Variants in TMC3 observed in about 807,000 individuals in gnomAD.
TMC3 encodes the protein transmembrane channel like 3.
In TMC3, 98 loss-of-function variants were observed where a neutral mutation model predicts 110.6. That is an observed-to-expected ratio of 0.89 (90% confidence interval 0.75 to 1.05). TMC3 has a LOEUF of 1.05. TMC3 is among the 50% of genes least tolerant of loss of function. The pLI, the probability that TMC3 is intolerant of heterozygous loss-of-function variation, is 0.00. For missense variants in TMC3, 1,319 were observed against 1,373.2 expected, an observed-to-expected ratio of 0.96 and a Z score of 0.62; for synonymous variants, 489 against 513.1, an observed-to-expected ratio of 0.95 and a Z score of 0.63.
Position 81,332,368 on chromosome 15 carries a change from C to T in TMC3, c.*51G>A. ...AGAAAGGGAGATGCCATGTGCTGGCCCAGCACTCCAACAGGGGCCTGACCT... is the reference window on the plus strand; with the variant it reads ...AGAAAGGGAGATGCCATGTGCTGGCTCAGCACTCCAACAGGGGCCTGACCT... On this transcript the variant is annotated 3_prime_UTR_variant, in exon 22 of 22. Transcript: ENST00000359440. 6.5e-7 allele frequency: 1 copy of T among 1,533,802 alleles called. No individual in the cohort carries two copies. The highest frequency in any genetic ancestry group is 8.8e-7 in the Non-Finnish European group (1 of 1,138,562).
intron 2 of TMC3, 141 bp downstream of exon 2, chr15:81,372,450 T>C: frequency 1.0e-6 from 1 of 983,662 alleles, no homozygotes; most frequent in South Asian, 1.5e-5. Flanking sequence ...TCAGATATCT[T>C]TGTGACTTTG....
Position 81,334,978 on chromosome 15 carries a change from G to A in TMC3, c.2204-3C>T. On this transcript the variant is annotated splice_polypyrimidine_tract_variant and splice_region_variant and intron_variant, in intron 20 of 21. Coordinates refer to ENST00000359440, the MANE Select transcript of TMC3 (RefSeq NM_001080532.3). ...TTCTTCCTGGGTCTGGATTCGGGCT[G>A]CAGGGAGAGGGAGGTGTTGTGAGAA... 1 of 1,613,128 alleles carries A rather than the reference G, an allele frequency of 6.2e-7. No homozygotes were observed. The highest frequency in any genetic ancestry group is 8.5e-7 in the Non-Finnish European group (1 of 1,179,134).
At chr15:81,370,369 A>G (rs1361497553) in intron 2 of TMC3, among the ~76,000 whole-genome samples, 1 of 152,178 alleles carries the variant, frequency 6.6e-6, no homozygotes, top group African/African-American at 2.4e-5. Context: ...AAGGTGATGG[A>G]GAGGAGATAT....
intron 3 of TMC3, among the ~76,000 whole-genome samples, chr15:81,362,559 C>A (rs1261369407): frequency 6.6e-6 from 1 of 152,078 alleles, no homozygotes; most frequent in African/African-American, 2.4e-5. Flanking sequence ...ATACAGACAC[C>A]ACCCGAGCCG....
At chr15:81,350,115 G>A (rs2141706548) in intron 10 of TMC3, among the ~76,000 whole-genome samples, 1 of 151,990 alleles carries the variant, frequency 6.6e-6, no homozygotes, top group African/African-American at 2.4e-5. Flanking sequence ...CATGCCTATG[G>A]TCCCAGCTTG....
chr15:81,342,028 T>C (rs1459356139), intron 15 of TMC3, among the ~76,000 whole-genome samples: 1 of 152,174 alleles, frequency 6.6e-6, no homozygotes, highest in Non-Finnish European at 1.5e-5. Flanking sequence ...CAAGGGCAGA[T>C]ATGGGGAAAC....
In TMC3 at chr15:81,374,145, G is replaced by C. The variant is rs544689673; in HGVS notation, c.-68C>G. On this transcript the variant is annotated 5_prime_UTR_variant, in exon 1 of 22. Coordinates refer to ENST00000359440, the MANE Select transcript of TMC3 (RefSeq NM_001080532.3). ...CTAGGAAGTTGGCAGGCAAAGGTCTGTTCCGAGGTTTCTGAATGGAAGCAG... is the reference window on the plus strand; with the variant it reads ...CTAGGAAGTTGGCAGGCAAAGGTCTCTTCCGAGGTTTCTGAATGGAAGCAG... 7.0e-7 allele frequency: 1 copy of C among 1,422,726 alleles called. No homozygotes were observed. Among genetic ancestry groups the C allele is most frequent in the Non-Finnish European group, 9.8e-7 (1 of 1,017,950 alleles). 88.1% of individuals were successfully genotyped at this position (1,422,726 alleles called of 1,614,324 possible).
At chr15:81,368,837 A>G (rs2141426679) in intron 2 of TMC3, among the ~76,000 whole-genome samples, 1 of 152,292 alleles carries the variant, frequency 6.6e-6, no homozygotes, top group African/African-American at 2.4e-5. Context: ...CCCCAAACAA[A>G]CTTCTAACAC....
chr15:81,359,521 G>A (rs1268970552), intron 4 of TMC3, 50 bp from the exon 5 acceptor site: 1 of 1,264,490 alleles, frequency 7.9e-7, no homozygotes, highest in Non-Finnish European at 1.1e-6. Flanking sequence ...TCCTCATAGT[G>A]CAAGAAATCC....
At chr15:81,351,508 C>T (rs190369561) in intron 10 of TMC3, among the ~76,000 whole-genome samples, 186 bp downstream of exon 10, 8 of 152,032 alleles carry the variant, frequency 5.3e-5, no homozygotes, top group African/African-American at 9.6e-5. Flanking sequence ...TGCACCACGA[C>T]GCCCAGCTAA....
At chr15:81,357,838 T>A (rs1894098805) in intron 7 of TMC3, among the ~76,000 whole-genome samples, 1 of 152,222 alleles carries the variant, frequency 6.6e-6, no homozygotes, top group African/African-American at 2.4e-5. Flanking sequence ...TAAATCCATA[T>A]GATTCTTGTA....
Position 81,362,260 on chromosome 15 carries a change from G to T in TMC3, c.354C>A (p.Val118=). Residue 118 remains valine (V), a synonymous_variant, in exon 4 of 22, where the codon GTC becomes GTA. Coordinates refer to ENST00000359440, the MANE Select transcript of TMC3 (RefSeq NM_001080532.3). ...TCCTCATTTCCCAGGGAATGAAGAT[G>T]ACCACAAAGTTACAGGCGAGACGAG... ...KFARLACNFV[V]IFIPWEMRIK... The T allele has an allele frequency of 1.9e-6, 3 of 1,612,608 alleles. No homozygotes were observed. In the South Asian group the frequency reaches 3.3e-5, roughly 18 times the overall value.
chr15:81,369,926 A>G (rs1894397619), intron 2 of TMC3, among the ~76,000 whole-genome samples: 1 of 152,164 alleles, frequency 6.6e-6, no homozygotes, highest in South Asian at 2.1e-4. Context: ...CCTGTTTCAT[A>G]ACAAACAACA....
Position 81,332,664 on chromosome 15 carries a change from G to A in TMC3, c.3058C>T (p.Gln1020Ter). ...GGCTTCAGAGGGGGCTGTGGGTATT[G>A]GAAATTCCGGGATCGTGGCTTTCTG... ...VPRKPRSRNF[Q>*]YPQPPLKPRG... is the part of the protein sequence containing the mutation. The change falls in exon 22 of 22, where the codon CAA becomes TAA. Residue 1020 changes from glutamine to a stop codon, truncating the protein, a stop_gained. Transcript: ENST00000359440. LOFTEE classifies it low-confidence loss of function (END_TRUNC). 1.2e-6 allele frequency: 2 copies of A among 1,613,984 alleles called. No homozygotes were observed. Among genetic ancestry groups the A allele is most frequent in the African/African-American group, 1.3e-5 (1 of 75,032 alleles).
chr15:81,357,942 C>T (rs1894100960), intron 7 of TMC3, among the ~76,000 whole-genome samples: 1 of 152,170 alleles, frequency 6.6e-6, no homozygotes, highest in Non-Finnish European at 1.5e-5. Context: ...TGGTTCTTCT[C>T]ATCTGTAAAA....
chr15:81,354,700 T>C (rs1894021551), intron 9 of TMC3, among the ~76,000 whole-genome samples: 1 of 152,166 alleles, frequency 6.6e-6, no homozygotes. Context: ...ACCCAAGGTA[T>C]ACTATCTTCT....
intron 14 of TMC3, 102 bp from the exon 15 acceptor site, chr15:81,343,447 A>G: frequency 1.3e-6 from 1 of 773,260 alleles, no homozygotes; most frequent in Non-Finnish European, 2.3e-6. Context: ...TCTTATGAAC[A>G]CTTAGAGATC....
chr15:81,339,235 T>G (rs901477568), intron 17 of TMC3, among the ~76,000 whole-genome samples, 159 bp downstream of exon 17: 12 of 152,230 alleles, frequency 7.9e-5, no homozygotes, highest in African/African-American at 2.4e-4. Context: ...CAGCCTTCTA[T>G]TAAGGAAAGA....
intron 20 of TMC3, 68 bp downstream of exon 20, chr15:81,336,541 C>T: frequency 1.3e-6 from 2 of 1,514,626 alleles, no homozygotes; most frequent in Non-Finnish European, 1.8e-6. Context: ...GCACTCCAGC[C>T]TGGGCGACAG....
Sources: gnomAD v4.1 joint callset for allele counts (sites outside exome capture counted in the v4.1 genomes callset) on GRCh38, gnomAD v4.1.1 for gene constraint, MANE v1.5 for transcripts, NCBI Gene and HGNC (gene_info 2026-07-23, HGNC 2026-07-21) for gene names.